Variants in TMPRSS9 observed in about 807,000 individuals in gnomAD.
TMPRSS9 encodes transmembrane protease serine 9.
Under a neutral mutation model 111.4 loss-of-function variants are expected in TMPRSS9, and 113 were observed. That is an observed-to-expected ratio of 1.01 (90% CI 0.87 to 1.19). TMPRSS9 has a LOEUF of 1.19. Among genes scored for constraint, TMPRSS9 ranks in the 50% most tolerant of loss-of-function variants. The pLI, the probability that TMPRSS9 is intolerant of heterozygous loss-of-function variation, is 0.00. For synonymous variants in TMPRSS9, 805 were observed against 659.1 expected (o/e 1.22, Z -3.39); for missense variants, 1,803 against 1,513.1 (o/e 1.19, Z -3.18).
chr19:2,403,082 G>A (rs747453894), exon 6 of TMPRSS9: 6 of 1,606,840 alleles, frequency 3.7e-6, no homozygotes, highest in Non-Finnish European at 5.1e-6. Flanking sequence ...CTGTCCTCAG[G>A]CCGCTGTCCA....
intron 1 of TMPRSS9, among the ~76,000 whole-genome samples, chr19:2,361,981 G>T (rs942617767): frequency 2.0e-5 from 3 of 152,084 alleles, no homozygotes; most frequent in Non-Finnish European, 4.4e-5. Flanking sequence ...TGTCTGTGTG[G>T]CTGTGTGTGA....
At chr19:2,387,859 G>T (rs912066607), upstream of TMPRSS9, among the ~76,000 whole-genome samples, 1 of 152,104 alleles carries the variant, frequency 6.6e-6, no homozygotes, top group African/African-American at 2.4e-5. Flanking sequence ...GTAATCTGAT[G>T]GACACTTCAA....
intron 10 of TMPRSS9, among the ~76,000 whole-genome samples, chr19:2,415,171 C>T (rs868465870): frequency 4.6e-5 from 7 of 152,156 alleles, no homozygotes; most frequent in Middle Eastern, 3.4e-3. Context: ...TCTCGAACTC[C>T]TGACCTCAGG....
intron 1 of TMPRSS9, among the ~76,000 whole-genome samples, chr19:2,371,857 G>A (rs577352101): frequency 5.3e-5 from 8 of 152,264 alleles, no homozygotes; most frequent in African/African-American, 1.2e-4. Flanking sequence ...CCTGCCTCCC[G>A]CCTGGGCCAG....
Position 2,418,132 on chromosome 19 carries a change from C to CT in TMPRSS9, c.2149dup (p.Cys717LeufsTer4). On this transcript the variant is annotated frameshift_variant, in exon 13 of 18. Transcript: ENST00000648592. LOFTEE classifies it high-confidence loss of function. ...GCTTCCTGGAAGGCAAAGTCGACTC[C>CT]TGCCAGGTAAGCATTCAAAGGGGGA... is the stretch of plus-strand genomic sequence containing the variant. 6.2e-7 allele frequency: 1 copy of CT among 1,611,794 alleles called. No homozygotes were observed. The highest frequency in any genetic ancestry group is 8.5e-7 in the Non-Finnish European group (1 of 1,179,352).
intron 12 of TMPRSS9, among the ~76,000 whole-genome samples, chr19:2,417,742 C>G (rs375330665): frequency 1.3e-5 from 2 of 152,178 alleles, no homozygotes; most frequent in African/African-American, 4.8e-5. Context: ...CCCTTGACCT[C>G]AGAATGGCCT....
chr19:2,384,142 C>G (rs928040354), intron 1 of TMPRSS9, among the ~76,000 whole-genome samples: 1 of 152,172 alleles, frequency 6.6e-6, no homozygotes, highest in African/African-American at 2.4e-5. Context: ...CCCCCAGCTT[C>G]CTTTTCTGTG....
upstream of TMPRSS9, among the ~76,000 whole-genome samples, chr19:2,385,835 A>G (rs1970464854): frequency 1.3e-5 from 2 of 152,146 alleles, no homozygotes; most frequent in Admixed American, 1.3e-4. Flanking sequence ...TGGGTGACAG[A>G]GCAGGACCTT....
chr19:2,372,906 A>C (rs1182555338), intron 1 of TMPRSS9, among the ~76,000 whole-genome samples: 1 of 152,120 alleles, frequency 6.6e-6, no homozygotes, highest in Non-Finnish European at 1.5e-5. Flanking sequence ...ATCATAGTTC[A>C]CTTCAGCCTT....
At chr19:2,391,101 G>A (rs1970581941) in intron 1 of TMPRSS9, among the ~76,000 whole-genome samples, 1 of 150,882 alleles carries the variant, frequency 6.6e-6, no homozygotes, top group African/African-American at 2.4e-5. Flanking sequence ...GCTGAGCATG[G>A]TGGTGCACGC....
At chr19:2,404,131 G>T (rs1970917638) in intron 6 of TMPRSS9, among the ~76,000 whole-genome samples, 1 of 152,076 alleles carries the variant, frequency 6.6e-6, no homozygotes, top group South Asian at 2.1e-4. Context: ...TTGCACTACT[G>T]CACTGTCCAG....
At chr19:2,400,201 G>A (rs1381994330) in intron 4 of TMPRSS9, among the ~76,000 whole-genome samples, 1 of 152,224 alleles carries the variant, frequency 6.6e-6, no homozygotes, top group East Asian at 1.9e-4. Context: ...GCCGTAGTTG[G>A]CCAACCCCCT....
At position 2,381,604 on chromosome 19, in the gene TMPRSS9, C is replaced by T. The variant is rs530030626; in HGVS notation, c.-25-8157C>T. On this transcript the variant is annotated intron_variant, in intron 1 of 17. Transcript: ENST00000649857. The stretch of plus-strand genomic sequence containing the variant: ...GCCCCTGCCTCGCTCCACGCTGCCC[C>T]TGCCTTGCTCCATGCCGCCCCTGCC... Among the ~76,000 whole-genome samples, 75 of 151,812 alleles carry T rather than the reference C, an allele frequency of 4.9e-4. No homozygotes were observed. In the South Asian group the frequency reaches 9.6e-3, roughly 19 times the overall value.
chr19:2,409,447 A>G (rs951898872), intron 8 of TMPRSS9, among the ~76,000 whole-genome samples: 17 of 151,990 alleles, frequency 1.1e-4, no homozygotes, highest in African/African-American at 3.9e-4. Context: ...CGGCCAAAAA[A>G]ATTGATCTTA....
intron 1 of TMPRSS9, among the ~76,000 whole-genome samples, chr19:2,394,176 C>G (rs565344115): frequency 6.6e-6 from 1 of 151,780 alleles, no homozygotes; most frequent in Non-Finnish European, 1.5e-5. Context: ...GCATCCCAGC[C>G]TGGCAACAGA....
At chr19:2,368,015 C>T (rs1014822180) in intron 1 of TMPRSS9, among the ~76,000 whole-genome samples, 2 of 152,110 alleles carry the variant, frequency 1.3e-5, no homozygotes, top group African/African-American at 4.8e-5. Context: ...CTGGCTTTAT[C>T]CACTTACTTT....
At chr19:2,362,237 G>A (rs1281044390) in intron 1 of TMPRSS9, among the ~76,000 whole-genome samples, 1 of 152,002 alleles carries the variant, frequency 6.6e-6, no homozygotes, top group African/African-American at 2.4e-5. Context: ...ATCGTATATG[G>A]TTGTGTGTCG....
intron 1 of TMPRSS9, among the ~76,000 whole-genome samples, chr19:2,380,403 C>A (rs1289894336): frequency 2.0e-5 from 3 of 151,790 alleles, no homozygotes; most frequent in African/African-American, 7.3e-5. Flanking sequence ...CAAGACCAGC[C>A]TGGCCAACAT....
chr19:2,379,394 C>T (rs1050551414), intron 1 of TMPRSS9, among the ~76,000 whole-genome samples: 1 of 151,962 alleles, frequency 6.6e-6, no homozygotes, highest in South Asian at 2.1e-4. Context: ...ACTGTGTTAG[C>T]CAGGATAGTC....
Sources: allele counts gnomAD v4.1 joint callset (sites outside exome capture counted in the v4.1 genomes callset), GRCh38; gene constraint gnomAD v4.1.1; transcripts MANE v1.5; gene names NCBI Gene and HGNC (gene_info 2026-07-23, HGNC 2026-07-21).